NTM: variants seen among roughly 807,000 people sequenced by gnomAD.
The protein encoded by NTM is IgLON family member 2.
In NTM, 13 loss-of-function variants were observed where a neutral mutation model predicts 42.1. The observed-to-expected ratio is 0.31, with a 90% CI of 0.20 to 0.49. The LOEUF is 0.49. Among genes scored for constraint, NTM ranks in the 20% least tolerant of loss-of-function variants. NTM has a pLI of 0.99. For missense variants in NTM, 373 were observed against 452.8 expected (o/e 0.82, Z 1.60); for synonymous variants, 187 against 179.2 (o/e 1.04, Z -0.35).
intron 7 of NTM, among the ~76,000 whole-genome samples, chr11:132,320,455 T>C (rs949129976): frequency 2.6e-5 from 4 of 152,184 alleles, no homozygotes; most frequent in African/African-American, 4.8e-5. Flanking sequence ...ACCCGAATAC[T>C]GCGCTTTTCC....
intron 3 of NTM, among the ~76,000 whole-genome samples, chr11:132,164,768 T>C (rs758420037): frequency 2.0e-5 from 3 of 152,178 alleles, no homozygotes; most frequent in Non-Finnish European, 4.4e-5. Flanking sequence ...CACGGGTACA[T>C]CTCTGACCCT....
chr11:131,812,040 A>C (rs2092750859), intron 1 of NTM, among the ~76,000 whole-genome samples: 1 of 152,160 alleles, frequency 6.6e-6, no homozygotes, highest in Admixed American at 6.5e-5. Context: ...TTTTATCTCC[A>C]CCCAGCCTAA....
At chr11:131,752,334 A>G (rs1465605717) in intron 1 of NTM, among the ~76,000 whole-genome samples, 1 of 152,222 alleles carries the variant, frequency 6.6e-6, no homozygotes, top group Non-Finnish European at 1.5e-5. Flanking sequence ...CAAAACCACA[A>G]TGAGATACCA....
At chr11:131,422,016 A>G (rs1180538084) in intron 1 of NTM, among the ~76,000 whole-genome samples, 3 of 152,160 alleles carry the variant, frequency 2.0e-5, no homozygotes, top group Admixed American at 6.5e-5. Context: ...GAATCCGTGG[A>G]TGGAATAACA....
intron 4 of NTM, among the ~76,000 whole-genome samples, chr11:132,292,460 G>T (rs1342560847): frequency 6.6e-6 from 1 of 152,256 alleles, no homozygotes; most frequent in African/African-American, 2.4e-5. Flanking sequence ...AGAGGACAGC[G>T]TGGATGGAGG....
intron 1 of NTM, among the ~76,000 whole-genome samples, chr11:131,384,057 T>G (rs2513538): frequency 0.85 from 128,807 of 152,140 alleles, 54,579 homozygotes; most frequent in South Asian, 0.86. Flanking sequence ...GTGAATGGCT[T>G]AGAGGTGGGT....
At position 131,553,670 on chromosome 11, in the gene NTM, C is replaced by T. The variant is rs138731197; in HGVS notation, c.82+182782C>T. ...TAATCTTTAACCTATATTACGGCAACATTTCCCCATGTTTTTTGGTTGTTA... is the reference window on the plus strand; with the variant it reads ...TAATCTTTAACCTATATTACGGCAATATTTCCCCATGTTTTTTGGTTGTTA... On this transcript the variant is annotated intron_variant, in intron 1 of 8. Coordinates refer to ENST00000683400, the MANE Select transcript of NTM (RefSeq NM_001352005.2). Among the ~76,000 whole-genome samples, 20 of 152,292 alleles carry T rather than the reference C, an allele frequency of 1.3e-4. No individual in the cohort carries two copies. The East Asian group carries it at 3.7e-3, about 28-fold the overall frequency.
chr11:131,660,520 A>C (rs1289674910), intron 1 of NTM: 10 of 457,208 alleles, frequency 2.2e-5, no homozygotes, highest in Non-Finnish European at 4.4e-5. Context: ...GCCGGCACTG[A>C]CCCTGGGTCC....
At chr11:131,763,409 A>G (rs1269061439) in intron 1 of NTM, among the ~76,000 whole-genome samples, 2 of 152,242 alleles carry the variant, frequency 1.3e-5, no homozygotes, top group Non-Finnish European at 2.9e-5. Context: ...GAATCAATGC[A>G]GGTCGTTGAA....
At chr11:131,412,805 C>T (rs945751835) in intron 1 of NTM, among the ~76,000 whole-genome samples, 9 of 151,152 alleles carry the variant, frequency 6.0e-5, no homozygotes, top group Admixed American at 2.6e-4. Flanking sequence ...TCTTACGGGG[C>T]GTGTGTGTGT....
At chr11:131,733,512 T>TTCCTTCCG (rs2079992667) in intron 1 of NTM, among the ~76,000 whole-genome samples, 1 of 150,042 alleles carries the variant, frequency 6.7e-6, no homozygotes, top group Middle Eastern at 3.4e-3. Context: ...CCTTCCTTCC[T>TTCCTTCCG]TCCTTCCTTT....
At chr11:131,950,727 T>C (rs1259706340) in intron 2 of NTM, among the ~76,000 whole-genome samples, 1 of 152,218 alleles carries the variant, frequency 6.6e-6, no homozygotes, top group Non-Finnish European at 1.5e-5. Flanking sequence ...CTGGCATACA[T>C]GCTCCGTAAC....
chr11:131,907,605 C>G (rs976064981), intron 1 of NTM, among the ~76,000 whole-genome samples: 2 of 151,976 alleles, frequency 1.3e-5, no homozygotes, highest in African/African-American at 4.8e-5. Context: ...TTTATGTGTA[C>G]AGTATATGTG....
chr11:131,739,542 G>A (rs763685932), intron 1 of NTM, among the ~76,000 whole-genome samples: 11 of 152,138 alleles, frequency 7.2e-5, no homozygotes, highest in Non-Finnish European at 1.3e-4. Context: ...ACTGGCCGCC[G>A]TTGGCATACC....
rs528096904 is a variant in NTM, at chr11:131,691,486, A to G, written c.83-220078A>G. On this transcript the variant is annotated intron_variant, in intron 1 of 8. Transcript: ENST00000683400. ...CGTGGGCAGGCGTGGACCCCACACC[A>G]CCTTGCTCCCTCCTGGCCCCCCGCC... Among the ~76,000 whole-genome samples, 9 of 148,076 alleles carry G rather than the reference A, an allele frequency of 6.1e-5. No individual in the cohort carries two copies. The East Asian group carries it at 9.9e-4, about 16-fold the overall frequency.
At chr11:131,545,752 C>T (rs377583719) in intron 1 of NTM, among the ~76,000 whole-genome samples, 1 of 152,148 alleles carries the variant, frequency 6.6e-6, no homozygotes, top group African/African-American at 2.4e-5. Flanking sequence ...AGCAAGTGAC[C>T]TTTGGGCTAA....
intron 2 of NTM, among the ~76,000 whole-genome samples, chr11:131,999,395 G>C (rs566908358): frequency 6.6e-6 from 1 of 152,210 alleles, no homozygotes; most frequent in Non-Finnish European, 1.5e-5. Context: ...GATGTCAACT[G>C]TTAGGAGAGC....
chr11:131,649,237 G>A (rs2066159794), intron 1 of NTM, among the ~76,000 whole-genome samples: 2 of 152,216 alleles, frequency 1.3e-5, no homozygotes, highest in Non-Finnish European at 2.9e-5. Context: ...CCCATGAATG[G>A]TAAACAGGGG....
chr11:131,646,947 G>T (rs1031789615), intron 1 of NTM, among the ~76,000 whole-genome samples: 1 of 152,182 alleles, frequency 6.6e-6, no homozygotes, highest in African/African-American at 2.4e-5. Context: ...AGCATGTAAA[G>T]CTCTAGGTCC....
Sources: allele counts gnomAD v4.1 joint callset (sites outside exome capture counted in the v4.1 genomes callset), GRCh38; gene constraint gnomAD v4.1.1; transcripts MANE v1.5; gene names NCBI Gene and HGNC (gene_info 2026-07-23, HGNC 2026-07-21).